Variants in DLC1 observed in about 807,000 individuals in gnomAD.
The protein encoded by DLC1 is rho GTPase-activating protein 7.
A neutral mutation model predicts 140.3 loss-of-function variants in DLC1; 54 were observed. The ratio of observed to expected loss-of-function variants is 0.38; its 90% CI spans 0.31 to 0.48. DLC1 has a LOEUF of 0.48. Among genes scored for constraint, DLC1 ranks in the 20% least tolerant of loss-of-function variants. DLC1 has a pLI of 0.96. For missense variants in DLC1, 2,536 were observed against 1,907.0 expected, an observed-to-expected ratio of 1.33 and a Z score of -6.14; for synonymous variants, 986 against 728.1, an observed-to-expected ratio of 1.35 and a Z score of -5.70.
intron 4 of DLC1, among the ~76,000 whole-genome samples, chr8:13,335,177 T>A (rs1285278953): frequency 6.6e-6 from 1 of 152,090 alleles, no homozygotes; most frequent in Non-Finnish European, 1.5e-5. Flanking sequence ...GAAGAAAGGA[T>A]GGCTGGAGAA....
intron 1 of DLC1, among the ~76,000 whole-genome samples, chr8:13,503,212 T>G (rs1235895923): frequency 6.6e-6 from 1 of 152,006 alleles, no homozygotes; most frequent in East Asian, 1.9e-4. Flanking sequence ...CAGACCAGCC[T>G]GGGTAACATA....
chr8:13,272,269 G>GA lies in DLC1; in HGVS notation c.1348+32999dup, dbSNP rs761825222. Among the ~76,000 whole-genome samples the GA allele has an allele frequency of 8.5e-5, 13 of 152,166 alleles. No homozygotes were observed. In the Middle Eastern group the frequency reaches 0.014, roughly 159 times the overall value. Reference sequence around the variant, plus strand: ...TCAAGACCAGCCTGGCCAACATGGTGAAACCCTGCCTCTACTAAAAATACA... The same window carrying GA: ...TCAAGACCAGCCTGGCCAACATGGTGAAAACCCTGCCTCTACTAAAAATACA... On this transcript the variant is annotated intron_variant, in intron 5 of 17. Transcript: ENST00000276297.
chr8:13,562,832 T>G (rs1804288520), intron 1 of DLC1, among the ~76,000 whole-genome samples: 1 of 152,036 alleles, frequency 6.6e-6, no homozygotes, highest in Non-Finnish European at 1.5e-5. Context: ...TGAAATACTA[T>G]GCAATCTTAG....
intron 4 of DLC1, among the ~76,000 whole-genome samples, chr8:13,350,855 C>G (rs565322490): frequency 6.6e-6 from 1 of 152,188 alleles, no homozygotes; most frequent in Non-Finnish European, 1.5e-5. Context: ...ATAGAAGCCG[C>G]TCTTGAAAAT....
chr8:13,507,416 TA>T lies in DLC1; in HGVS notation c.-126+7185del, dbSNP rs539111047. Among the ~76,000 whole-genome samples the T allele has an allele frequency of 4.6e-5, 7 of 152,350 alleles. No homozygotes were observed. The South Asian group carries it at 1.4e-3, about 32-fold the overall frequency. The stretch of plus-strand genomic sequence containing the variant: ...TCTAGTCCAGACAGCCAACTTTCAG[TA>T]AAAAACAATTAGTGTTTTTCCTTTA... On this transcript the variant is annotated intron_variant, in intron 1 of 17. Transcript: ENST00000276297.
At chr8:13,172,296 C>G (rs1251912371) in intron 5 of DLC1, among the ~76,000 whole-genome samples, 1 of 152,114 alleles carries the variant, frequency 6.6e-6, no homozygotes, top group Non-Finnish European at 1.5e-5. Context: ...GCTGGAGCCT[C>G]AATACTAAAA....
At chr8:13,197,536 T>G (rs764308729) in intron 5 of DLC1, among the ~76,000 whole-genome samples, 1 of 151,872 alleles carries the variant, frequency 6.6e-6, no homozygotes, top group African/African-American at 2.4e-5. Context: ...TTAGTAGAGA[T>G]GGGGTTTCAC....
At chr8:13,259,723 T>G (rs1378159217) in intron 5 of DLC1, among the ~76,000 whole-genome samples, 1 of 151,960 alleles carries the variant, frequency 6.6e-6, no homozygotes, top group Non-Finnish European at 1.5e-5. Flanking sequence ...GTGTGTGTTA[T>G]GCAGCCTGAA....
intron 5 of DLC1, among the ~76,000 whole-genome samples, chr8:13,184,829 C>G (rs1826252431): frequency 6.6e-6 from 1 of 152,176 alleles, no homozygotes; most frequent in Admixed American, 6.5e-5. Context: ...TGTTGCAGAG[C>G]TGAGTTCAAG....
At chr8:13,442,718 G>A (rs1367200845) in intron 2 of DLC1, among the ~76,000 whole-genome samples, 2 of 152,216 alleles carry the variant, frequency 1.3e-5, no homozygotes, top group Non-Finnish European at 2.9e-5. Context: ...GTGCTGGAGA[G>A]GATGTGGAGA....
intron 5 of DLC1, among the ~76,000 whole-genome samples, chr8:13,150,419 G>A (rs78599126): frequency 0.023 from 3,517 of 150,448 alleles, 63 homozygotes; most frequent in Middle Eastern, 0.041. Flanking sequence ...TTTCTTTGTC[G>A]CCAATACTGT....
intron 1 of DLC1, among the ~76,000 whole-genome samples, chr8:13,602,930 A>G (rs1390649851): frequency 6.6e-6 from 1 of 151,894 alleles, no homozygotes; most frequent in Non-Finnish European, 1.5e-5. Context: ...TAGTGATAAA[A>G]TAATTGAATT....
At chr8:13,541,590 C>T (rs1392128703) in intron 1 of DLC1, among the ~76,000 whole-genome samples, 2 of 152,112 alleles carry the variant, frequency 1.3e-5, no homozygotes, top group Non-Finnish European at 2.9e-5. Flanking sequence ...CACTCTGTCG[C>T]CAAGGCTGGT....
chr8:13,268,412 TC>T (rs1297289475), intron 5 of DLC1, among the ~76,000 whole-genome samples: 2 of 152,196 alleles, frequency 1.3e-5, no homozygotes, highest in African/African-American at 4.8e-5. Context: ...CCTCCCAGGT[TC>T]ACGCCATTCT....
intron 4 of DLC1, among the ~76,000 whole-genome samples, chr8:13,381,500 G>C (rs372367658): frequency 6.6e-6 from 1 of 152,132 alleles, no homozygotes. Flanking sequence ...GAGACATCTT[G>C]GTGTGTGACT....
chr8:13,339,691 A>G (rs1833954022), intron 4 of DLC1: 1 of 152,190 alleles, frequency 6.6e-6, no homozygotes, highest in Admixed American at 6.5e-5. Context: ...GTGCATATGT[A>G]TTTTTTTGTT....
intron 1 of DLC1, among the ~76,000 whole-genome samples, chr8:13,576,161 A>G (rs371330143): frequency 6.6e-5 from 10 of 152,340 alleles, no homozygotes; most frequent in Admixed American, 5.2e-4. Flanking sequence ...CTCCTCAGTA[A>G]GACACATCAT....
intron 10 of DLC1, among the ~76,000 whole-genome samples, chr8:13,096,861 G>C (rs1818538926): frequency 6.6e-6 from 1 of 152,196 alleles, no homozygotes; most frequent in African/African-American, 2.4e-5. Context: ...AAATATGGTA[G>C]TGTGCGACTG....
At chr8:13,160,768 G>C (rs995026091) in intron 5 of DLC1, among the ~76,000 whole-genome samples, 1 of 152,200 alleles carries the variant, frequency 6.6e-6, no homozygotes, top group African/African-American at 2.4e-5. Flanking sequence ...CCATATGAAA[G>C]AGGGGGTGGG....
Sources: gnomAD v4.1 joint callset for allele counts (sites outside exome capture counted in the v4.1 genomes callset) on GRCh38, gnomAD v4.1.1 for gene constraint, MANE v1.5 for transcripts, NCBI Gene and HGNC (gene_info 2026-07-23, HGNC 2026-07-21) for gene names.